The following NDRG4 variants were observed in gnomAD, a reference collection of about 807,000 sequenced individuals.
NDRG4 encodes NDRG family member 4.
A neutral mutation model predicts 55.8 loss-of-function variants in NDRG4; 38 were observed. The observed-to-expected ratio is 0.68, with a 90% CI of 0.53 to 0.89. The LOEUF (loss-of-function observed/expected upper bound fraction) is 0.89, where lower values mean the gene tolerates loss of function less well. Ranked by LOEUF, NDRG4 falls within the 40% of genes least tolerant of loss-of-function variation. The pLI, the probability that NDRG4 is intolerant of heterozygous loss-of-function variation, is 0.00. For synonymous variants in NDRG4, 190 were observed against 182.7 expected, an observed-to-expected ratio of 1.04 and a Z score of -0.32; for missense variants, 455 against 468.6, an observed-to-expected ratio of 0.97 and a Z score of 0.27.
intron 1 of NDRG4, among the ~76,000 whole-genome samples, chr16:58,487,514 C>T (rs930240846): frequency 6.6e-6 from 1 of 151,476 alleles, no homozygotes; most frequent in Non-Finnish European, 1.5e-5. Flanking sequence ...AGTGAGACTC[C>T]GTGTAAAAAA....
At chr16:58,489,160 C>T (rs1278169879) in intron 2 of NDRG4, among the ~76,000 whole-genome samples, 1 of 151,862 alleles carries the variant, frequency 6.6e-6, no homozygotes, top group Non-Finnish European at 1.5e-5. Flanking sequence ...TTAGCCCGGG[C>T]GTGGTAGTGG....
chr16:58,467,145 T>C (rs1003204706), intron 1 of NDRG4, among the ~76,000 whole-genome samples: 3 of 152,190 alleles, frequency 2.0e-5, no homozygotes, highest in Non-Finnish European at 4.4e-5. Context: ...GTCTCTAGGA[T>C]AATTCTGTAG....
At chr16:58,514,745 C>CAA (rs67168725), downstream of NDRG4, among the ~76,000 whole-genome samples, 17 of 82,074 alleles carry the variant, frequency 2.1e-4, no homozygotes, top group Non-Finnish European at 3.2e-4. Flanking sequence ...CCCAACGCGC[C>CAA]AAAAAAAAAA....
At chr16:58,504,317 C>T (rs1046517073) in intron 3 of NDRG4, 42 bp from the exon 4 acceptor site, 4 of 1,613,882 alleles carry the variant, frequency 2.5e-6, no homozygotes, top group African/African-American at 1.3e-5. Context: ...AGCTCTGCAC[C>T]TGAGGCCACA....
At chr16:58,511,005 C>G (rs992057129) in intron 14 of NDRG4, 3 of 506,510 alleles carry the variant, frequency 5.9e-6, no homozygotes, top group Admixed American at 3.3e-5. Context: ...AGGAGAGTTC[C>G]GGAGGGTAGA....
intron 2 of NDRG4, among the ~76,000 whole-genome samples, chr16:58,493,787 C>G (rs780363441): frequency 3.9e-5 from 6 of 152,188 alleles, no homozygotes; most frequent in Non-Finnish European, 7.3e-5. Flanking sequence ...CCTGTGAGTT[C>G]TCCTTTACCT....
In NDRG4 at chr16:58,504,387, G is replaced by T; in HGVS notation, c.277G>T (p.Ala93Ser). The change falls in exon 4 of 15, where the codon GCT (alanine) becomes TCT (serine). Residue 93 changes from alanine to serine, a missense_variant. Transcript: ENST00000570248. ...GYQFPSMEQL[A>S]AMLPSVVQHF... ...CCAGTTCCCCTCCATGGAGCAGCTG[G>T]CTGCCATGCTCCCCAGCGTGGTGCA... is the stretch of plus-strand genomic sequence containing the variant. The T allele has an allele frequency of 6.2e-7, 1 of 1,612,934 alleles. No individual in the cohort carries two copies. The highest frequency in any genetic ancestry group is 1.7e-5 in the Admixed American group (1 of 60,024).
At chr16:58,494,383 C>T (rs1018594099) in intron 2 of NDRG4, among the ~76,000 whole-genome samples, 1 of 152,170 alleles carries the variant, frequency 6.6e-6, no homozygotes, top group African/African-American at 2.4e-5. Context: ...GCATGTTAGT[C>T]ACGCCCACCT....
chr16:58,511,534 G>C lies in NDRG4; in HGVS notation c.1017G>C (p.Glu339Asp). ...PQACTHSESS[E>D]GLGQVNHTME... ...CCTGCACCCACTCAGAGAGCAGCGAGGGGCTGGGCCAGGTCAACCACACCA... is the reference window on the plus strand; with the variant it reads ...CCTGCACCCACTCAGAGAGCAGCGACGGGCTGGGCCAGGTCAACCACACCA... Residue 339 changes from glutamate (E) to aspartate (D), a missense_variant, in exon 15 of 15, where the codon GAG (glutamate) becomes GAC (aspartate). Coordinates refer to ENST00000570248, the MANE Select transcript of NDRG4 (RefSeq NM_001242835.2). 6.2e-7 allele frequency: 1 copy of C among 1,613,024 alleles called. No individual in the cohort carries two copies. Among genetic ancestry groups the C allele is most frequent in the Non-Finnish European group, 8.5e-7 (1 of 1,179,946 alleles).
intron 2 of NDRG4, chr16:58,487,972 G>A (rs1174528575): frequency 3.0e-6 from 2 of 672,270 alleles, no homozygotes; most frequent in Non-Finnish European, 4.5e-6. Flanking sequence ...GAGAAGCCCT[G>A]TCCCTGCCTG....
chr16:58,494,261 G>A (rs1399923241), intron 2 of NDRG4, among the ~76,000 whole-genome samples: 3 of 152,316 alleles, frequency 2.0e-5, no homozygotes, highest in Admixed American at 6.5e-5. Context: ...GGCACAAAGC[G>A]ACCAGGTCTG....
chr16:58,506,763 C>A, intron 7 of NDRG4, 149 bp downstream of exon 7: 3 of 1,156,580 alleles, frequency 2.6e-6, no homozygotes, highest in Non-Finnish European at 3.8e-6. Context: ...CCTCCCAAGG[C>A]CCCACACCTC....
intron 4 of NDRG4, 31 bp downstream of exon 4, chr16:58,504,452 C>A: frequency 6.2e-7 from 1 of 1,612,230 alleles, no homozygotes; most frequent in Non-Finnish European, 8.5e-7. Context: ...TGCGCTAGGG[C>A]CCAGGGGTGC....
At chr16:58,478,793 T>A (rs900291330) in intron 1 of NDRG4, among the ~76,000 whole-genome samples, 2 of 151,576 alleles carry the variant, frequency 1.3e-5, no homozygotes, top group African/African-American at 2.4e-5. Flanking sequence ...TGGCAGTGGT[T>A]TTTTTTTCTT....
At chr16:58,487,496 G>T (rs1490789883) in intron 1 of NDRG4, among the ~76,000 whole-genome samples, 4 of 152,160 alleles carry the variant, frequency 2.6e-5, no homozygotes, top group Non-Finnish European at 4.4e-5. Context: ...CTCCAGCCTG[G>T]GTGACAGAGT....
In NDRG4 at chr16:58,507,835, TGGAACGG is replaced by T; in HGVS notation, c.649_655del (p.Gly217CysfsTer11). On this transcript the variant is annotated frameshift_variant, in exon 9 of 15. Coordinates refer to ENST00000570248, the MANE Select transcript of NDRG4 (RefSeq NM_001242835.2). LOFTEE classifies it high-confidence loss of function. ...GCAGAGACCTGGACATTAACCGGCC[TGGAACGG>T]TGCCCAATGCCAAGACGCTCCGGTG... 1 of 1,613,970 alleles carries T rather than the reference TGGAACGG, an allele frequency of 6.2e-7. No individual in the cohort carries two copies.
At chr16:58,509,251 G>T (rs1177646644) in intron 12 of NDRG4, 50 bp from the exon 13 acceptor site, 8 of 1,613,870 alleles carry the variant, frequency 5.0e-6, no homozygotes, top group Non-Finnish European at 5.9e-6. Context: ...TACCCTACCT[G>T]CTAATCCTAG....
intron 5 of NDRG4, chr16:58,506,144 G>A: frequency 1.6e-6 from 1 of 642,952 alleles, no homozygotes. Context: ...GTGTGTGTGT[G>A]TGTGTGTGTG....
intron 1 of NDRG4, among the ~76,000 whole-genome samples, chr16:58,475,155 G>A (rs11076242): frequency 0.028 from 4,323 of 152,312 alleles, 89 homozygotes; most frequent in Non-Finnish European, 0.045. Context: ...AAAGATCCAG[G>A]ATATGTGTAT....
Sources: allele counts gnomAD v4.1 joint callset (sites outside exome capture counted in the v4.1 genomes callset), GRCh38; gene constraint gnomAD v4.1.1; transcripts MANE v1.5; gene names NCBI Gene and HGNC (gene_info 2026-07-23, HGNC 2026-07-21).